The following CTIF variants were observed in gnomAD, a reference collection of about 807,000 sequenced individuals.
CTIF encodes CBP80/20-dependent translation initiation factor.
In CTIF, 21 loss-of-function variants were observed where a neutral mutation model predicts 66.0. That is an observed-to-expected ratio of 0.32 (90% CI 0.23 to 0.46). The LOEUF (loss-of-function observed/expected upper bound fraction) is 0.46, where lower values mean the gene tolerates loss of function less well. CTIF is among the 20% of genes least tolerant of loss of function. CTIF has a pLI of 1.00. For missense variants in CTIF, 739 were observed against 812.7 expected (o/e 0.91, Z 1.10); for synonymous variants, 345 against 326.4 (o/e 1.06, Z -0.62).
intron 9 of CTIF, among the ~76,000 whole-genome samples, chr18:48,780,655 A>C (rs1911117928): frequency 6.6e-6 from 1 of 152,172 alleles, no homozygotes; most frequent in South Asian, 2.1e-4. Flanking sequence ...AGCATGCATC[A>C]AGATGCATGC....
intron 7 of CTIF, among the ~76,000 whole-genome samples, chr18:48,739,798 G>A (rs2092538831): frequency 1.3e-5 from 2 of 152,184 alleles, no homozygotes; most frequent in South Asian, 4.1e-4. Context: ...CTCTGCTCTG[G>A]AATCATAGGA....
chr18:48,836,142 C>T (rs955920344), intron 10 of CTIF, among the ~76,000 whole-genome samples: 16 of 152,296 alleles, frequency 1.1e-4, no homozygotes, highest in African/African-American at 3.6e-4. Flanking sequence ...CCTCCTCCCC[C>T]AGCAGCTGCT....
intron 6 of CTIF, among the ~76,000 whole-genome samples, chr18:48,694,103 T>C (rs1951263913): frequency 6.6e-6 from 1 of 152,218 alleles, no homozygotes; most frequent in Admixed American, 6.5e-5. Flanking sequence ...GCTGTTGGGG[T>C]GGCAGGTGCT....
chr18:48,797,660 T>TG (rs2067956939), intron 9 of CTIF, among the ~76,000 whole-genome samples: 2 of 150,102 alleles, frequency 1.3e-5, no homozygotes, highest in Admixed American at 6.6e-5. Flanking sequence ...TATTCTGGGG[T>TG]GGGGGGATGC....
chr18:48,553,685 T>C (rs1205058970), intron 1 of CTIF, among the ~76,000 whole-genome samples: 1 of 151,450 alleles, frequency 6.6e-6, no homozygotes, highest in Non-Finnish European at 1.5e-5. Context: ...GAGACAAGTC[T>C]CGCTCTGCCG....
At chr18:48,559,699 G>T (rs1027850100) in intron 1 of CTIF, among the ~76,000 whole-genome samples, 2 of 152,274 alleles carry the variant, frequency 1.3e-5, no homozygotes, top group East Asian at 1.9e-4. Context: ...CTCCATGCAG[G>T]TTTCTCCACA....
At chr18:48,680,564 C>A (rs1276693057) in intron 6 of CTIF, among the ~76,000 whole-genome samples, 1 of 152,238 alleles carries the variant, frequency 6.6e-6, no homozygotes, top group Non-Finnish European at 1.5e-5. Flanking sequence ...AGAGGCAGAC[C>A]CACCCTGCAC....
At chr18:48,648,105 G>A (rs2091084025) in intron 3 of CTIF, among the ~76,000 whole-genome samples, 1 of 122,252 alleles carries the variant, frequency 8.2e-6, no homozygotes, top group Non-Finnish European at 1.7e-5. Context: ...GTCCAGGACA[G>A]GCTCAAATAG....
At chr18:48,822,706 C>T (rs1012734466) in intron 10 of CTIF, among the ~76,000 whole-genome samples, 1 of 152,148 alleles carries the variant, frequency 6.6e-6, no homozygotes, top group Non-Finnish European at 1.5e-5. Context: ...CATATGGCAG[C>T]TCTATTTTTA....
intron 10 of CTIF, among the ~76,000 whole-genome samples, chr18:48,824,378 GT>G (rs34137610): frequency 0.47 from 70,690 of 151,884 alleles, 16,688 homozygotes; most frequent in East Asian, 0.62. Context: ...TGAGCAAAGG[GT>G]TGTCATCTCC....
intron 1 of CTIF, among the ~76,000 whole-genome samples, chr18:48,554,617 A>G (rs979618846): frequency 9.2e-5 from 14 of 152,254 alleles, no homozygotes; most frequent in Non-Finnish European, 1.8e-4. Context: ...CCCTTTCCCA[A>G]GTTCTCCTCT....
At chr18:48,728,306 C>T (rs530725625) in intron 7 of CTIF, among the ~76,000 whole-genome samples, 1 of 152,306 alleles carries the variant, frequency 6.6e-6, no homozygotes, top group Admixed American at 6.5e-5. Flanking sequence ...GGCTCCGGCC[C>T]ACTGCCCAGT....
intron 7 of CTIF, among the ~76,000 whole-genome samples, chr18:48,745,784 G>A (rs951834094): frequency 6.6e-6 from 1 of 152,178 alleles, no homozygotes; most frequent in African/African-American, 2.4e-5. Flanking sequence ...ACTATCTGCT[G>A]GGGAGCCATG....
chr18:48,746,322 C>T (rs1195302176), intron 7 of CTIF, among the ~76,000 whole-genome samples: 2 of 152,066 alleles, frequency 1.3e-5, no homozygotes, highest in African/African-American at 4.8e-5. Context: ...CCACACTTTC[C>T]CTCTTGAAAA....
chr18:48,793,863 G>A (rs946144709), intron 9 of CTIF, among the ~76,000 whole-genome samples: 4 of 152,160 alleles, frequency 2.6e-5, no homozygotes, highest in African/African-American at 9.7e-5. Context: ...TGATTTCCAG[G>A]CAGCCAATAC....
intron 1 of CTIF, among the ~76,000 whole-genome samples, chr18:48,548,085 C>A (rs1798752825): frequency 6.6e-6 from 1 of 152,212 alleles, no homozygotes; most frequent in Non-Finnish European, 1.5e-5. Context: ...AGTAACCTCT[C>A]TGAGGGAGAC....
At chr18:48,696,513 A>G (rs2092011254) in intron 6 of CTIF, among the ~76,000 whole-genome samples, 1 of 151,936 alleles carries the variant, frequency 6.6e-6, no homozygotes, top group Non-Finnish European at 1.5e-5. Flanking sequence ...GGGTACCGAC[A>G]CCGCTCTTAG....
At chr18:48,801,008 C>T (rs912636319) in intron 9 of CTIF, among the ~76,000 whole-genome samples, 5 of 152,222 alleles carry the variant, frequency 3.3e-5, no homozygotes, top group Admixed American at 2.0e-4. Flanking sequence ...CCACAGGTGG[C>T]CCAAGCCTCC....
At position 48,670,762 on chromosome 18, in the gene CTIF, C is replaced by T; in HGVS notation, c.507+18C>T. 6.2e-7 allele frequency: 1 copy of T among 1,608,584 alleles called. No individual in the cohort carries two copies. Among genetic ancestry groups the T allele is most frequent in the Non-Finnish European group, 8.5e-7 (1 of 1,175,202 alleles). ...CCTGGCAGGTAGGTGCAGGGGCAGGCTCTCTAACAGCCCACCCCCACCCCT... is the reference window on the plus strand; with the variant it reads ...CCTGGCAGGTAGGTGCAGGGGCAGGTTCTCTAACAGCCCACCCCCACCCCT... On this transcript the variant is annotated intron_variant, in intron 6 of 11. Coordinates refer to ENST00000256413, the MANE Select transcript of CTIF (RefSeq NM_014772.3).
Sources: gnomAD v4.1 joint callset for allele counts (sites outside exome capture counted in the v4.1 genomes callset) on GRCh38, gnomAD v4.1.1 for gene constraint, MANE v1.5 for transcripts, NCBI Gene and HGNC (gene_info 2026-07-23, HGNC 2026-07-21) for gene names.